The following ECT2L variants were observed in gnomAD, a reference collection of about 807,000 sequenced individuals.
The protein encoded by ECT2L is epithelial cell transforming 2 like, also known as epithelial cell-transforming sequence 2 oncogene-like.
In ECT2L, 126 loss-of-function variants were observed where a neutral mutation model predicts 122.8. That is an observed-to-expected ratio of 1.03 (90% CI 0.89 to 1.19). The LOEUF is 1.19. ECT2L is among the 50% of genes most tolerant of loss of function. The pLI is 0.00. For synonymous variants in ECT2L, 385 were observed against 381.8 expected (o/e 1.01, Z -0.10); for missense variants, 1,012 against 1,064.1 (o/e 0.95, Z 0.68).
chr6:138,800,971 C>A (rs1247152707), intron 1 of ECT2L, among the ~76,000 whole-genome samples: 2 of 152,152 alleles, frequency 1.3e-5, no homozygotes, highest in African/African-American at 4.8e-5. Flanking sequence ...GCTCTGCCCT[C>A]ACATGGCAGA....
chr6:138,886,883 T>C lies in ECT2L; in HGVS notation c.2286T>C (p.Asp762=). The change falls in exon 19 of 22, where the codon GAT becomes GAC. Residue 762 remains aspartate, a synonymous_variant. Transcript: ENST00000541398. ...DQMKQNITMK[D]HLSDIQRIIW... The stretch of plus-strand genomic sequence containing the variant: ...TGAAGCAAAACATCACTATGAAGGA[T>C]CATCTGTCAGATATACAGAGAATCA... The C allele has an allele frequency of 6.2e-7, 1 of 1,613,660 alleles. No individual in the cohort carries two copies. The highest frequency in any genetic ancestry group is 2.2e-5 in the East Asian group (1 of 44,880).
intron 6 of ECT2L, among the ~76,000 whole-genome samples, chr6:138,843,652 C>A (rs1340247902): frequency 1.3e-5 from 2 of 152,082 alleles, no homozygotes; most frequent in African/African-American, 4.8e-5. Context: ...GCTCTTTCCG[C>A]TCTTTTTAAA....
chr6:138,803,524 T>G (rs568153940), intron 1 of ECT2L, among the ~76,000 whole-genome samples: 185 of 152,338 alleles, frequency 1.2e-3, no homozygotes, highest in African/African-American at 4.0e-3. Context: ...TAACAACAGC[T>G]GGGCATCTTA....
rs563273328 is a variant in ECT2L at position 138,854,228 on chromosome 6, G to T, written c.1198+74G>T. On this transcript the variant is annotated intron_variant, in intron 10 of 21. Coordinates refer to ENST00000541398, the MANE Select transcript of ECT2L (RefSeq NM_001077706.3). ...GGGATATGTTGTGAATTATTGAAGT[G>T]CCCCTGGGTCAAATGATTCAGTCAC... 5.7e-4 allele frequency: 824 copies of T among 1,454,042 alleles called. 2 individuals are homozygous for T. In the Middle Eastern group the frequency reaches 5.7e-3, roughly 10 times the overall value. 90.1% of individuals were successfully genotyped at this position (1,454,042 alleles called of 1,614,324 possible).
At chr6:138,877,797 G>T (rs887170420) in intron 14 of ECT2L, among the ~76,000 whole-genome samples, 2 of 152,100 alleles carry the variant, frequency 1.3e-5, no homozygotes, top group African/African-American at 4.8e-5. Flanking sequence ...TTAGCCTGTT[G>T]TGGTGGCTAC....
At chr6:138,798,176 T>C (rs150893054) in intron 1 of ECT2L, among the ~76,000 whole-genome samples, 1 of 152,214 alleles carries the variant, frequency 6.6e-6, no homozygotes, top group Non-Finnish European at 1.5e-5. Context: ...TCTTGTCCTT[T>C]GGGATTTTAA....
intron 16 of ECT2L, 105 bp from the exon 17 acceptor site, chr6:138,885,401 G>C (rs1340881165): frequency 8.7e-6 from 9 of 1,039,784 alleles, no homozygotes; most frequent in Non-Finnish European, 1.3e-5. Context: ...AGACATAGAT[G>C]TTGCCCTTTT....
chr6:138,902,203 G>A (rs2128416399), intron 21 of ECT2L, among the ~76,000 whole-genome samples: 1 of 152,264 alleles, frequency 6.6e-6, no homozygotes, highest in Non-Finnish European at 1.5e-5. Flanking sequence ...AGTAAAGACT[G>A]TTACTGATTC....
intron 9 of ECT2L, among the ~76,000 whole-genome samples, chr6:138,850,148 TTC>T (rs376795615): frequency 0.06 from 6,364 of 106,782 alleles, 410 homozygotes; most frequent in African/African-American, 0.18. Flanking sequence ...TGTGACTTTT[TTC>T]TTTTTTCGAG....
intron 1 of ECT2L, among the ~76,000 whole-genome samples, chr6:138,800,637 TAAG>T (rs1775511751): frequency 6.6e-6 from 1 of 152,198 alleles, no homozygotes; most frequent in African/African-American, 2.4e-5. Flanking sequence ...AAATTGCTAG[TAAG>T]AAGATCACAG....
At chr6:138,823,902 T>C in intron 4 of ECT2L, 1 of 505,360 alleles carries the variant, frequency 2.0e-6, no homozygotes, top group South Asian at 2.2e-5. Context: ...GACGCCGTGG[T>C]TGCAACTTAT....
At chr6:138,825,903 A>G (rs972071294) in intron 4 of ECT2L, among the ~76,000 whole-genome samples, 1 of 151,918 alleles carries the variant, frequency 6.6e-6, no homozygotes, top group Non-Finnish European at 1.5e-5. Context: ...CCCACTTCAC[A>G]CTCTGAACAC....
rs147187651 is a variant in ECT2L, at chr6:138,829,880, G to T, written c.180-8472G>T. On this transcript the variant is annotated intron_variant, in intron 4 of 21. Transcript: ENST00000541398. ...TAGGATTACAGGCGCTCGCCACCAT[G>T]CCCGGCTAATTTTTTGTATTTTTAG... Among the ~76,000 whole-genome samples, 263 of 152,102 alleles carry T rather than the reference G, an allele frequency of 1.7e-3. 3 individuals are homozygous for T. In the East Asian group the frequency reaches 0.047, roughly 27 times the overall value.
chr6:138,899,441 G>GTC (rs780382995), intron 20 of ECT2L, among the ~76,000 whole-genome samples: 1 of 147,948 alleles, frequency 6.8e-6, no homozygotes, highest in Non-Finnish European at 1.5e-5. Context: ...TACATAGATT[G>GTC]TGTGTGTGTG....
In ECT2L at chr6:138,834,946, C is replaced by CTCAT. The variant is rs1238589561; in HGVS notation, c.180-3404_180-3403insATTC. The stretch of plus-strand genomic sequence containing the variant: ...ACACACACACACACACTCTCATTCT[C>CTCAT]TCTCTCTGTCTCTTTCCTCACAACG... On this transcript the variant is annotated intron_variant, in intron 4 of 21. Transcript: ENST00000541398. Among the ~76,000 whole-genome samples the CTCAT allele has an allele frequency of 1.2e-3, 181 of 151,426 alleles. 1 individual carries two copies. Among genetic ancestry groups the CTCAT allele is most frequent in the African/African-American group, 4.2e-3 (174 of 41,236 alleles).
At chr6:138,870,013 T>C (rs1778192464) in intron 13 of ECT2L, among the ~76,000 whole-genome samples, 2 of 152,224 alleles carry the variant, frequency 1.3e-5, no homozygotes, top group African/African-American at 4.8e-5. Flanking sequence ...GAAAGTCTCA[T>C]GTACTGACTT....
At chr6:138,881,912 C>T (rs1331282240) in intron 15 of ECT2L, among the ~76,000 whole-genome samples, 2 of 152,102 alleles carry the variant, frequency 1.3e-5, no homozygotes, top group Non-Finnish European at 2.9e-5. Context: ...TATCCATGGC[C>T]TGGGGGTTGG....
chr6:138,864,002 TAAA>T (rs1172466449), intron 11 of ECT2L, among the ~76,000 whole-genome samples: 8 of 55,870 alleles, frequency 1.4e-4, no homozygotes, highest in African/African-American at 6.3e-4. Flanking sequence ...TCTCCGTATT[TAAA>T]AAAAAAAAAA....
At chr6:138,874,269 G>A (rs945236057) in intron 13 of ECT2L, among the ~76,000 whole-genome samples, 6 of 152,040 alleles carry the variant, frequency 3.9e-5, no homozygotes, top group Non-Finnish European at 2.9e-5. Context: ...CAGAGCCAAG[G>A]CAAAGACCCA....
Sources: allele counts gnomAD v4.1 joint callset (sites outside exome capture counted in the v4.1 genomes callset), GRCh38; gene constraint gnomAD v4.1.1; transcripts MANE v1.5; gene names NCBI Gene and HGNC (gene_info 2026-07-23, HGNC 2026-07-21).